Variants in CHST7 observed in about 807,000 individuals in gnomAD.
CHST7 encodes the protein carbohydrate sulfotransferase 7.
In CHST7, 5 loss-of-function variants were observed where a neutral mutation model predicts 9.0. The observed-to-expected ratio is 0.56, with a 90% CI of 0.29 to 1.17. The LOEUF is 1.17. Among genes scored for constraint, CHST7 ranks in the 50% most tolerant of loss-of-function variants. The pLI is 0.08. For missense variants in CHST7, 377 were observed against 485.1 expected (o/e 0.78, Z 2.09); for synonymous variants, 244 against 237.1 (o/e 1.03, Z -0.27).
rs138804520 is a variant in CHST7 at position 46,574,585 on chromosome X, C to T, written c.654C>T (p.Gly218=). 602 of 1,202,894 alleles carry T rather than the reference C, an allele frequency of 5.0e-4. No homozygotes were observed. The highest frequency in any genetic ancestry group is 3.2e-3 in the Middle Eastern group (14 of 4,319). ...PGAPRARAEV[G]LVEDTACERS... ...CACCCCGTGCCCGGGCCGAGGTGGG[C>T]CTCGTCGAGGACACCGCCTGCGAGC... The change falls in exon 1 of 2, where the codon GGC becomes GGT. Residue 218 remains glycine (G), a synonymous_variant. Transcript: ENST00000276055.
chrX:46,574,558 C>T lies in CHST7; in HGVS notation c.627C>T (p.Gly209=), dbSNP rs2146635050. 1 of 1,206,562 alleles carries T rather than the reference C, an allele frequency of 8.3e-7. No individual in the cohort carries two copies. The highest frequency in any genetic ancestry group is 3.0e-5 in the East Asian group (1 of 33,562). ...TCTGCTCGCCGCCACTGTGTCCTGG[C>T]GCACCCCGTGCCCGGGCCGAGGTGG... ...KVICSPPLCP[G]APRARAEVGL... The change falls in exon 1 of 2, where the codon GGC becomes GGT. Residue 209 remains glycine, a synonymous_variant. Transcript: ENST00000276055.
chrX:46,588,739 A>T (rs746192104), intron 1 of CHST7, among the ~76,000 whole-genome samples: 2 of 111,669 alleles, frequency 1.8e-5, no homozygotes, highest in Admixed American at 9.6e-5. Flanking sequence ...CTTTTTTTTT[A>T]AAGTGAAAGC....
Position 46,575,018 on chromosome X carries a change from C to A in CHST7, c.1087C>A (p.Pro363Thr). 1 of 1,129,452 alleles carries A rather than the reference C, an allele frequency of 8.9e-7. No individual in the cohort carries two copies. Among genetic ancestry groups the A allele is most frequent in the Admixed American group, 3.1e-5 (1 of 32,607 alleles). 93.1% of individuals were successfully genotyped at this position (1,129,452 alleles called of 1,213,427 possible). The change falls in exon 1 of 2, where the codon CCC becomes ACC. Residue 363 changes from proline to threonine, a missense_variant. Physicochemically the swap from Pro to Thr is conservative, Grantham distance 38. Transcript: ENST00000276055. ...CGATCTGCTTTTCGCGCGCGGCGCG[C>A]CCGCCTGGCTGCGGCGCCGCTACCT... ...LRDLLFARGA[P>T]AWLRRRYLRL...
rs1006895013 is a variant in CHST7, at chrX:46,574,179, C to T, written c.248C>T (p.Pro83Leu). 6 of 1,190,000 alleles carry T rather than the reference C, an allele frequency of 5.0e-6. No individual in the cohort carries two copies. The African/African-American group carries it at 8.8e-5, about 17-fold the overall frequency. Residue 83 changes from proline to leucine, a missense_variant, in exon 1 of 2, where the codon CCT (proline) becomes CTT (leucine). Pro to Leu is a moderately conservative substitution (Grantham distance 98). Coordinates refer to ENST00000276055, the MANE Select transcript of CHST7 (RefSeq NM_019886.4). ...AAEEGGANQS[P>L]RFPSNLSGAV... ...GAGGAAGGGGGCGCGAACCAGTCTC[C>T]TCGGTTCCCAAGCAACCTCAGCGGC...
chrX:46,591,874 C>T (rs1942574806), intron 1 of CHST7, among the ~76,000 whole-genome samples: 1 of 109,564 alleles, frequency 9.1e-6, no homozygotes, highest in Non-Finnish European at 1.9e-5. Flanking sequence ...CATTGCCCCA[C>T]ACCCCCTGAC....
chrX:46,597,399 A>C (rs1226956951), intron 1 of CHST7, among the ~76,000 whole-genome samples: 4 of 111,942 alleles, frequency 3.6e-5, no homozygotes, highest in Non-Finnish European at 5.6e-5. Flanking sequence ...ATGGATGGGT[A>C]CGTGGTTGGT....
In CHST7 at chrX:46,575,018, C is replaced by T; in HGVS notation, c.1087C>T (p.Pro363Ser). ...LRDLLFARGA[P>S]AWLRRRYLRL... ...CGATCTGCTTTTCGCGCGCGGCGCGCCCGCCTGGCTGCGGCGCCGCTACCT... is the reference window on the plus strand; with the variant it reads ...CGATCTGCTTTTCGCGCGCGGCGCGTCCGCCTGGCTGCGGCGCCGCTACCT... The change falls in exon 1 of 2, where the codon CCC becomes TCC. Residue 363 changes from proline to serine, a missense_variant. Pro to Ser is a moderately conservative substitution (Grantham distance 74). Transcript: ENST00000276055. 1.8e-6 allele frequency: 2 copies of T among 1,129,453 alleles called. No homozygotes were observed. The highest frequency in any genetic ancestry group is 2.3e-6 in the Non-Finnish European group (2 of 866,505). 93.1% of individuals were successfully genotyped at this position (1,129,453 alleles called of 1,213,427 possible).
intron 1 of CHST7, among the ~76,000 whole-genome samples, chrX:46,588,664 A>C (rs1303988831): frequency 9.0e-6 from 1 of 111,280 alleles, no homozygotes; most frequent in African/African-American, 3.3e-5. Flanking sequence ...GAACTGTAGC[A>C]AAGGAGATAA....
At chrX:46,594,458 C>T (rs1044050801) in intron 1 of CHST7, among the ~76,000 whole-genome samples, 3 of 107,008 alleles carry the variant, frequency 2.8e-5, no homozygotes, top group Admixed American at 1.0e-4. Context: ...ACCCAGGAGG[C>T]GGAGGTTGCA....
At chrX:46,578,263 C>T (rs1942508361) in intron 1 of CHST7, among the ~76,000 whole-genome samples, 1 of 87,232 alleles carries the variant, frequency 1.1e-5, no homozygotes, top group African/African-American at 4.9e-5. Flanking sequence ...TTCCTCCTGC[C>T]ATGCTCTTTT....
Position 46,574,750 on chromosome X carries a change from G to A in CHST7, c.819G>A (p.Val273=), listed in dbSNP as rs1321479090. The change falls in exon 1 of 2, where the codon GTG becomes GTA. Residue 273 remains valine, a synonymous_variant. Coordinates refer to ENST00000276055, the MANE Select transcript of CHST7 (RefSeq NM_019886.4). ...LLRDPGLNLK[V]VQLFRDPRAV... is the part of the protein sequence containing the mutation. Reference sequence around the variant, plus strand: ...GTGATCCAGGCCTCAACCTGAAGGTGGTGCAGCTTTTCCGCGACCCGAGGG... The same window carrying A: ...GTGATCCAGGCCTCAACCTGAAGGTAGTGCAGCTTTTCCGCGACCCGAGGG... 8.3e-7 allele frequency: 1 copy of A among 1,208,942 alleles called. No homozygotes were observed. Among genetic ancestry groups the A allele is most frequent in the East Asian group, 3.0e-5 (1 of 33,666 alleles).
Position 46,575,439 on chromosome X carries a change from G to A in CHST7, c.*31+16G>A. On this transcript the variant is annotated intron_variant, in intron 1 of 1. Transcript: ENST00000276055. ...ACGGATCCGGGTAAGGTGGCCCGGG[G>A]CAAGGCAGGGACCGGGACTGGTCTT... The A allele has an allele frequency of 3.0e-6, 3 of 1,008,396 alleles. No homozygotes were observed. The highest frequency in any genetic ancestry group is 3.8e-6 in the Non-Finnish European group (3 of 798,333). The allele number at this position is 1,008,396 out of a possible 1,213,427, so 83.1% of individuals were successfully genotyped here.
chrX:46,577,884 G>A (rs1333334393), intron 1 of CHST7, among the ~76,000 whole-genome samples: 4 of 111,910 alleles, frequency 3.6e-5, no homozygotes, highest in Non-Finnish European at 7.5e-5. Context: ...CAGGAAAGCC[G>A]ACAACTTTAC....
In CHST7 at chrX:46,579,237, T is replaced by C. The variant is rs1942513875; in HGVS notation, c.*31+3814T>C. Among the ~76,000 whole-genome samples the C allele has an allele frequency of 2.7e-5, 3 of 112,433 alleles. No individual in the cohort carries two copies. In the South Asian group the frequency reaches 1.1e-3, roughly 41 times the overall value. ...AGTGCCAAGCAGATGTAGAGTGTTATTATGGAAAGGGGAAAATGTCCTCAA... is the reference window on the plus strand; with the variant it reads ...AGTGCCAAGCAGATGTAGAGTGTTACTATGGAAAGGGGAAAATGTCCTCAA... On this transcript the variant is annotated intron_variant, in intron 1 of 1. Transcript: ENST00000276055.
At chrX:46,593,042 T>TTTA (rs1406903617) in intron 1 of CHST7, among the ~76,000 whole-genome samples, 1 of 111,234 alleles carries the variant, frequency 9.0e-6, no homozygotes, top group Non-Finnish European at 1.9e-5. Flanking sequence ...GGTTATTTAA[T>TTTA]TTATTATTAT....
rs200180964 is a variant in CHST7, at chrX:46,574,201, C to T, written c.270C>T (p.Ser90=). Residue 90 remains serine (S), a synonymous_variant, in exon 1 of 2, where the codon AGC becomes AGT. Coordinates refer to ENST00000276055, the MANE Select transcript of CHST7 (RefSeq NM_019886.4). Reference sequence around the variant, plus strand: ...CTCCTCGGTTCCCAAGCAACCTCAGCGGCGCTGTCGGGGAGGCAGTGTCTC... The same window carrying T: ...CTCCTCGGTTCCCAAGCAACCTCAGTGGCGCTGTCGGGGAGGCAGTGTCTC... ...NQSPRFPSNL[S]GAVGEAVSRE... 14 of 1,201,995 alleles carry T rather than the reference C, an allele frequency of 1.2e-5. No homozygotes were observed. The Admixed American group carries it at 1.8e-4, about 15-fold the overall frequency.
In CHST7 at chrX:46,574,543, G is replaced by A; in HGVS notation, c.612G>A (p.Pro204=). Residue 204 remains proline (P), a synonymous_variant, in exon 1 of 2, where the codon CCG becomes CCA. Transcript: ENST00000276055. ...RWRTNKVICS[P]PLCPGAPRAR... ...GGACTAACAAGGTCATCTGCTCGCC[G>A]CCACTGTGTCCTGGCGCACCCCGTG... 1 of 1,207,226 alleles carries A rather than the reference G, an allele frequency of 8.3e-7. No homozygotes were observed. The highest frequency in any genetic ancestry group is 3.0e-5 in the East Asian group (1 of 33,599).
At chrX:46,588,656 A>T (rs191805511) in intron 1 of CHST7, among the ~76,000 whole-genome samples, 3 of 111,180 alleles carry the variant, frequency 2.7e-5, no homozygotes, top group African/African-American at 9.8e-5. Flanking sequence ...ACTCAAGGGA[A>T]CTGTAGCAAA....
rs1284905330 is a variant in CHST7 at position 46,574,496 on chromosome X, A to G, written c.565A>G (p.Thr189Ala). ...CGCCCCGGACACGGCCAATCTTACCACGGCCGCCCTCTTCCGCTGGCGGAC... is the reference window on the plus strand; with the variant it reads ...CGCCCCGGACACGGCCAATCTTACCGCGGCCGCCCTCTTCCGCTGGCGGAC... ...ARAPDTANLTTAALFRWRTNK... is the reference protein window; with the variant it reads ...ARAPDTANLTAAALFRWRTNK... Residue 189 changes from threonine (T) to alanine (A), a missense_variant, in exon 1 of 2, where the codon ACG becomes GCG. Around this residue, in one of 3 missense-constraint regions of CHST7, gnomAD observed 239 missense variants for 325.7 expected, o/e 0.73. Transcript: ENST00000276055. 4 of 1,205,665 alleles carry G rather than the reference A, an allele frequency of 3.3e-6. No homozygotes were observed. The highest frequency in any genetic ancestry group is 4.5e-6 in the Non-Finnish European group (4 of 892,555).
Sources: allele counts gnomAD v4.1 joint callset (sites outside exome capture counted in the v4.1 genomes callset), GRCh38; gene constraint gnomAD v4.1.1; regional missense constraint gnomAD v4.1.1; transcripts MANE v1.5; gene names NCBI Gene and HGNC (gene_info 2026-07-23, HGNC 2026-07-21).